The following PLCE1 variants were observed in gnomAD, a reference collection of about 807,000 sequenced individuals.
PLCE1 encodes the protein phospholipase C epsilon 1.
In PLCE1, 119 loss-of-function variants were observed where a neutral mutation model predicts 242.8. That is an observed-to-expected ratio of 0.49 (90% CI 0.42 to 0.57). PLCE1 has a LOEUF of 0.57. PLCE1 is among the 20% of genes least tolerant of loss of function. The probability of loss-of-function intolerance (pLI) is 0.00; values close to 1 mark genes in which losing one functional copy is unlikely to be tolerated. For synonymous variants in PLCE1, 945 were observed against 1,017.4 expected (o/e 0.93, Z 1.35); for missense variants, 2,441 against 2,788.8 (o/e 0.88, Z 2.81).
chr10:94,152,711 T>C (rs1002238734), intron 3 of PLCE1, among the ~76,000 whole-genome samples: 1 of 152,208 alleles, frequency 6.6e-6, no homozygotes, highest in Non-Finnish European at 1.5e-5. Flanking sequence ...TTTCAAGTAA[T>C]ATGCTTAGAT....
rs146785257 is a variant in PLCE1 at position 93,998,498 on chromosome 10, C to T, written c.-365+4240C>T. Reference sequence around the variant, plus strand: ...TCGTAAATACAAGATTCTCTAGAATCAAATTTCCCTGGGGTTTACCTAGTA... The same window carrying T: ...TCGTAAATACAAGATTCTCTAGAATTAAATTTCCCTGGGGTTTACCTAGTA... On this transcript the variant is annotated intron_variant, in intron 1 of 32. Transcript: ENST00000371380. Among the ~76,000 whole-genome samples, 54 of 152,302 alleles carry T rather than the reference C, an allele frequency of 3.5e-4. 1 individual carries two copies. In the East Asian group the frequency reaches 5.2e-3, roughly 15 times the overall value.
chr10:94,028,444 CCAATGA>C (rs1223208383), intron 1 of PLCE1, among the ~76,000 whole-genome samples: 1 of 152,104 alleles, frequency 6.6e-6, no homozygotes, highest in Admixed American at 6.6e-5. Context: ...GGAGGAAGCT[CCAATGA>C]CTTTCATGAC....
At position 94,329,458 on chromosome 10, in the gene PLCE1, T is replaced by C. The variant is rs927227426; in HGVS notation, c.*1515T>C. 4 of 152,168 alleles carry C rather than the reference T, an allele frequency of 2.6e-5. No homozygotes were observed. The highest frequency in any genetic ancestry group is 9.6e-5 in the African/African-American group (4 of 41,454). 9.4% of individuals were successfully genotyped at this position (152,168 alleles called of 1,614,324 possible). A position where few individuals can be genotyped will look rare whatever the true frequency, so the allele number is the denominator to read the frequency against. On this transcript the variant is annotated 3_prime_UTR_variant, in exon 33 of 33. Coordinates refer to ENST00000371380, the MANE Select transcript of PLCE1 (RefSeq NM_016341.4). ...AAAAATAAAACCATCCCCATGTGTT[T>C]CTTGCATATTCTAAAAACAGAAGTG...
chr10:94,165,331 G>A lies in PLCE1; in HGVS notation c.1493-5849G>A, dbSNP rs373701706. The stretch of plus-strand genomic sequence containing the variant: ...TACCTACTCAAGCCTCAGCAATGGC[G>A]GGCGCCCCTCCCCCAGCCTCGCTGC... On this transcript the variant is annotated intron_variant, in intron 3 of 32. Coordinates refer to ENST00000371380, the MANE Select transcript of PLCE1 (RefSeq NM_016341.4). Among the ~76,000 whole-genome samples the A allele has an allele frequency of 6.6e-5, 10 of 152,174 alleles. No homozygotes were observed. The East Asian group carries it at 1.3e-3, about 21-fold the overall frequency.
chr10:94,303,726 G>T (rs1032518668), intron 24 of PLCE1, among the ~76,000 whole-genome samples: 11 of 152,008 alleles, frequency 7.2e-5, no homozygotes, highest in African/African-American at 1.5e-4. Flanking sequence ...CTAAAATTTA[G>T]TATAAAATAA....
intron 2 of PLCE1, among the ~76,000 whole-genome samples, chr10:94,043,235 CA>C (rs1242360444): frequency 6.6e-6 from 1 of 152,174 alleles, no homozygotes; most frequent in Non-Finnish European, 1.5e-5. Context: ...GGCAACAAAA[CA>C]AAACCAGAGG....
At chr10:94,162,958 G>A (rs1307166371) in intron 3 of PLCE1, among the ~76,000 whole-genome samples, 1 of 152,164 alleles carries the variant, frequency 6.6e-6, no homozygotes, top group Non-Finnish European at 1.5e-5. Flanking sequence ...CCATGTAGTT[G>A]AGTGGTTTTG....
intron 2 of PLCE1, among the ~76,000 whole-genome samples, chr10:94,058,384 G>C (rs2043961791): frequency 6.6e-6 from 1 of 152,148 alleles, no homozygotes; most frequent in South Asian, 2.1e-4. Flanking sequence ...AGTGTGTTCT[G>C]TGGAACTCTA....
rs398046178 is a variant in PLCE1 at position 94,093,934 on chromosome 10, C to CTTTTTTTTT, written c.1207-38223_1207-38215dup. Among the ~76,000 whole-genome samples the CTTTTTTTTT allele has an allele frequency of 1.4e-4, 11 of 79,192 alleles. 1 individual carries two copies. The highest frequency in any genetic ancestry group is 2.2e-4 in the African/African-American group (4 of 18,302). 52.0% of individuals were successfully genotyped at this position (79,192 alleles called of 152,430 possible). ...TCATTCAGTCATTTAATCGGTATTT[C>CTTTTTTTTT]TTTTTTTTTTTTTTTTTTTTTTTTT... is the stretch of plus-strand genomic sequence containing the variant. On this transcript the variant is annotated intron_variant, in intron 2 of 32. Coordinates refer to ENST00000371380, the MANE Select transcript of PLCE1 (RefSeq NM_016341.4).
intron 2 of PLCE1, among the ~76,000 whole-genome samples, chr10:94,057,285 A>G (rs1333252517): frequency 6.6e-6 from 1 of 152,128 alleles, no homozygotes; most frequent in African/African-American, 2.4e-5. Flanking sequence ...TTTTTCATCT[A>G]CCATAATATC....
In PLCE1 at chr10:94,298,286, A is replaced by G; in HGVS notation, c.5168-93A>G. Reference sequence around the variant, plus strand: ...GGTATTCTGATGTGGTTTATATGCTATGACTGTTTACTGGGATGTTGTTCA... The same window carrying G: ...GGTATTCTGATGTGGTTTATATGCTGTGACTGTTTACTGGGATGTTGTTCA... On this transcript the variant is annotated intron_variant, in intron 23 of 32. Transcript: ENST00000371380. This position sits in a 1 kb window ranked among gnomAD's most constrained non-coding sequence, Gnocchi z 5.2. 8.7e-7 allele frequency: 1 copy of G among 1,145,526 alleles called. No individual in the cohort carries two copies. Among genetic ancestry groups the G allele is most frequent in the Non-Finnish European group, 1.3e-6 (1 of 762,098 alleles). The allele number at this position is 1,145,526 out of a possible 1,614,324, so 71.0% of individuals were successfully genotyped here. A position where few individuals can be genotyped will look rare whatever the true frequency, so the allele number is the denominator to read the frequency against.
chr10:94,185,794 A>G, intron 4 of PLCE1, among the ~76,000 whole-genome samples: 1 of 152,240 alleles, frequency 6.6e-6, no homozygotes, highest in East Asian at 1.9e-4. Flanking sequence ...ATCTCCATTG[A>G]GGATGACCAA....
intron 2 of PLCE1, among the ~76,000 whole-genome samples, chr10:94,061,090 A>G (rs910926247): frequency 6.6e-6 from 1 of 152,138 alleles, no homozygotes; most frequent in African/African-American, 2.4e-5. Context: ...GGGTTCAGCG[A>G]GGAGGAAACT....
intron 4 of PLCE1, among the ~76,000 whole-genome samples, chr10:94,201,436 A>C (rs2048982233): frequency 6.6e-6 from 1 of 152,222 alleles, no homozygotes. Flanking sequence ...CATTTGCCCC[A>C]CTAAAAAATA....
At chr10:94,231,070 G>A (rs2050128180) in intron 5 of PLCE1, among the ~76,000 whole-genome samples, 1 of 152,180 alleles carries the variant, frequency 6.6e-6, no homozygotes, top group South Asian at 2.1e-4. Context: ...TCTGTGTGTG[G>A]TAGAATTGTA....
intron 2 of PLCE1, among the ~76,000 whole-genome samples, chr10:94,126,668 A>G (rs1200073610): frequency 6.6e-6 from 1 of 152,244 alleles, no homozygotes; most frequent in African/African-American, 2.4e-5. Flanking sequence ...TAGTCTGTCT[A>G]GTTTTCAGAA....
chr10:94,045,922 A>C lies in PLCE1; in HGVS notation c.1206+13670A>C, dbSNP rs562560397. On this transcript the variant is annotated intron_variant, in intron 2 of 32. Coordinates refer to ENST00000371380, the MANE Select transcript of PLCE1 (RefSeq NM_016341.4). ...GAGACCATCCTGGCTAACATGGTGA[A>C]ACTCCGTGTCTAATAAAAATACAAA... Among the ~76,000 whole-genome samples, 7 of 152,086 alleles carry C rather than the reference A, an allele frequency of 4.6e-5. No homozygotes were observed. In the South Asian group the frequency reaches 1.0e-3, roughly 23 times the overall value.
chr10:94,324,197 A>G (rs909352600), intron 30 of PLCE1, 152 bp from the exon 31 acceptor site: 1 of 741,784 alleles, frequency 1.3e-6, no homozygotes, highest in Non-Finnish European at 2.4e-6. Context: ...AGCTACAACT[A>G]TACAACTGCA....
chr10:94,179,512 G>GTTTTTTGTTTTTTTTTTTTTTTTTT (rs1554877548), intron 4 of PLCE1, among the ~76,000 whole-genome samples: 1 of 19,398 alleles, frequency 5.2e-5, no homozygotes, highest in African/African-American at 1.6e-4. Context: ...TTTTAGTTTA[G>GTTTTTTGTTTTTTTTTTTTTTTTTT]TTTTTTTTTT....
Sources: allele counts gnomAD v4.1 joint callset (sites outside exome capture counted in the v4.1 genomes callset), GRCh38; gene constraint gnomAD v4.1.1; non-coding constraint Gnocchi (gnomAD v3.1); transcripts MANE v1.5; gene names NCBI Gene and HGNC (gene_info 2026-07-23, HGNC 2026-07-21).